EPHA6: variants seen among roughly 807,000 people sequenced by gnomAD.
EPHA6 encodes EPH receptor A6.
Under a neutral mutation model 112.0 loss-of-function variants are expected in EPHA6, and 50 were observed. The ratio of observed to expected loss-of-function variants is 0.45; its 90% CI spans 0.36 to 0.56. The LOEUF is 0.56. Ranked by LOEUF, EPHA6 falls within the 20% of genes least tolerant of loss-of-function variation. The probability of loss-of-function intolerance (pLI) is 0.00; values close to 1 mark genes in which losing one functional copy is unlikely to be tolerated. For synonymous variants in EPHA6, 529 were observed against 490.7 expected, an observed-to-expected ratio of 1.08 and a Z score of -1.03; for missense variants, 1,280 against 1,417.4, an observed-to-expected ratio of 0.90 and a Z score of 1.56.
intron 5 of EPHA6, among the ~76,000 whole-genome samples, chr3:97,276,005 T>C (rs1044309079): frequency 6.6e-6 from 1 of 152,040 alleles, no homozygotes; most frequent in Admixed American, 6.6e-5. Flanking sequence ...CATAAAATAA[T>C]GTTGTCCAAG....
intron 7 of EPHA6, among the ~76,000 whole-genome samples, chr3:97,456,344 G>C (rs867706752): frequency 4.4e-4 from 67 of 151,974 alleles, no homozygotes; most frequent in African/African-American, 1.5e-3. Flanking sequence ...TAGTCACCAT[G>C]CTGTATATCA....
chr3:96,838,781 C>T (rs745647396), intron 1 of EPHA6, among the ~76,000 whole-genome samples: 7 of 152,040 alleles, frequency 4.6e-5, no homozygotes, highest in Non-Finnish European at 8.8e-5. Flanking sequence ...GAAGAGGTCA[C>T]ACTGCAGTTT....
chr3:97,138,994 G>A (rs554203404), intron 3 of EPHA6, among the ~76,000 whole-genome samples: 63 of 152,130 alleles, frequency 4.1e-4, no homozygotes, highest in Admixed American at 1.9e-3. Context: ...TCTCTGAGTG[G>A]ACTCTTGGTG....
chr3:97,034,440 T>G (rs2108029535), intron 3 of EPHA6, among the ~76,000 whole-genome samples: 1 of 152,060 alleles, frequency 6.6e-6, no homozygotes, highest in Admixed American at 6.6e-5. Context: ...ACTTAATATA[T>G]AATTCTTTTA....
chr3:97,217,994 G>C (rs927219074), intron 3 of EPHA6, among the ~76,000 whole-genome samples: 2 of 152,016 alleles, frequency 1.3e-5, no homozygotes, highest in African/African-American at 4.8e-5. Flanking sequence ...ATAAAGGCTG[G>C]GTGCAGATGC....
At chr3:97,321,345 T>C (rs898441555) in intron 5 of EPHA6, among the ~76,000 whole-genome samples, 1 of 151,972 alleles carries the variant, frequency 6.6e-6, no homozygotes, top group Non-Finnish European at 1.5e-5. Context: ...TACTTTTAAT[T>C]TGAGGTTTTC....
chr3:97,548,540 T>C (rs2092989062), intron 11 of EPHA6, among the ~76,000 whole-genome samples: 1 of 152,204 alleles, frequency 6.6e-6, no homozygotes, highest in South Asian at 2.1e-4. Flanking sequence ...ATGTTGATTT[T>C]CCTATTTCTC....
intron 3 of EPHA6, among the ~76,000 whole-genome samples, chr3:97,140,300 C>A (rs914443627): frequency 6.6e-6 from 1 of 151,950 alleles, no homozygotes; most frequent in Non-Finnish European, 1.5e-5. Flanking sequence ...CCTGGTCTTG[C>A]CAGAGATGTA....
chr3:97,062,609 A>T (rs1052749019), intron 3 of EPHA6, among the ~76,000 whole-genome samples: 1 of 152,182 alleles, frequency 6.6e-6, no homozygotes, highest in African/African-American at 2.4e-5. Context: ...GGAGGGACCC[A>T]ATGGGAGATA....
chr3:97,027,204 C>T (rs1486950579), intron 3 of EPHA6, among the ~76,000 whole-genome samples: 2 of 152,142 alleles, frequency 1.3e-5, no homozygotes, highest in African/African-American at 2.4e-5. Context: ...AACTAAATAC[C>T]GCATGTTCTC....
rs533234709 is a variant in EPHA6 at position 97,000,069 on chromosome 3, A to G, written c.1114+12076A>G. On this transcript the variant is annotated intron_variant, in intron 3 of 17. Coordinates refer to ENST00000389672, the MANE Select transcript of EPHA6 (RefSeq NM_001080448.3). ...AAGTAGCAACCAAGACAAAGAAATC[A>G]TAGCTGTTGGCCGGCCTTCCAAGTT... Among the ~76,000 whole-genome samples, 151 of 151,988 alleles carry G rather than the reference A, an allele frequency of 9.9e-4. 1 individual carries two copies. The highest frequency in any genetic ancestry group is 3.5e-3 in the African/African-American group (144 of 41,528).
chr3:97,458,624 G>T (rs1182170943), intron 7 of EPHA6, among the ~76,000 whole-genome samples: 3 of 151,830 alleles, frequency 2.0e-5, no homozygotes, highest in African/African-American at 7.3e-5. Context: ...CCCATTTTGA[G>T]ATAAAGGAAT....
intron 14 of EPHA6, among the ~76,000 whole-genome samples, chr3:97,697,143 G>A (rs942177662): frequency 6.6e-6 from 1 of 152,070 alleles, no homozygotes; most frequent in African/African-American, 2.4e-5. Flanking sequence ...TTGAAATGAG[G>A]GGCGCCACAA....
intron 5 of EPHA6, among the ~76,000 whole-genome samples, chr3:97,331,800 G>A (rs923533974): frequency 5.3e-5 from 8 of 151,942 alleles, no homozygotes; most frequent in South Asian, 2.1e-4. Flanking sequence ...ATTCACAGCC[G>A]AATTCACAGC....
At chr3:97,704,149 G>C (rs903373217) in intron 14 of EPHA6, among the ~76,000 whole-genome samples, 14 of 152,144 alleles carry the variant, frequency 9.2e-5, no homozygotes, top group African/African-American at 2.9e-4. Flanking sequence ...CAAGTCCTTA[G>C]AGGATGTGAT....
chr3:97,427,774 G>T (rs2089246354), intron 6 of EPHA6, among the ~76,000 whole-genome samples: 1 of 151,938 alleles, frequency 6.6e-6, no homozygotes, highest in Admixed American at 6.6e-5. Context: ...TGCAGCAACA[G>T]GGGTGGAACT....
rs201900431 is a variant in EPHA6, at chr3:96,970,268, A to C, written c.451-17062A>C. ...ACACACACACACACACACACACACAAACACACACACACACAGAGCGAGAGA... is the reference window on the plus strand; with the variant it reads ...ACACACACACACACACACACACACACACACACACACACACAGAGCGAGAGA... On this transcript the variant is annotated intron_variant, in intron 2 of 17. Transcript: ENST00000389672. Among the ~76,000 whole-genome samples, 367 of 120,902 alleles carry C rather than the reference A, an allele frequency of 3.0e-3. 2 individuals are homozygous for C. Among genetic ancestry groups the C allele is most frequent in the African/African-American group, 8.1e-3 (214 of 26,386 alleles). 79.3% of individuals were successfully genotyped at this position (120,902 alleles called of 152,430 possible).
At chr3:97,021,725 A>G (rs777747842) in intron 3 of EPHA6, among the ~76,000 whole-genome samples, 5 of 152,246 alleles carry the variant, frequency 3.3e-5, no homozygotes, top group Non-Finnish European at 7.3e-5. Flanking sequence ...TATTGGTTTC[A>G]GGCCTGAGCC....
At chr3:97,438,310 G>A (rs2107264864) in intron 6 of EPHA6, among the ~76,000 whole-genome samples, 1 of 152,080 alleles carries the variant, frequency 6.6e-6, no homozygotes, top group East Asian at 1.9e-4. Context: ...ATAGCATACT[G>A]TTTTGTAAAA....
Sources: allele counts gnomAD v4.1 joint callset (sites outside exome capture counted in the v4.1 genomes callset), GRCh38; gene constraint gnomAD v4.1.1; transcripts MANE v1.5; gene names NCBI Gene and HGNC (gene_info 2026-07-23, HGNC 2026-07-21).